ZNF407: variants seen among roughly 807,000 people sequenced by gnomAD.
ZNF407 encodes zinc finger protein 407.
A neutral mutation model predicts 131.2 loss-of-function variants in ZNF407; 17 were observed. The observed-to-expected ratio is 0.13, with a 90% CI of 0.09 to 0.19. ZNF407 has a LOEUF of 0.19. Ranked by LOEUF, ZNF407 falls within the 10% of genes least tolerant of loss-of-function variation. The pLI, the probability that ZNF407 is intolerant of heterozygous loss-of-function variation, is 1.00. For missense variants in ZNF407, 2,681 were observed against 2,830.6 expected (o/e 0.95, Z 1.20); for synonymous variants, 1,156 against 1,062.0 (o/e 1.09, Z -1.72).
chr18:74,818,865 T>TAAAAAA (rs11392274), intron 4 of ZNF407, among the ~76,000 whole-genome samples: 1 of 139,436 alleles, frequency 7.2e-6, no homozygotes. Context: ...CATTGAACAG[T>TAAAAAA]AAAAAAAAAA....
intron 1 of ZNF407, among the ~76,000 whole-genome samples, chr18:74,599,470 T>C (rs938568082): frequency 6.6e-6 from 1 of 152,236 alleles, no homozygotes; most frequent in African/African-American, 2.4e-5. Flanking sequence ...TTGGAAATAG[T>C]AATATACTTC....
At chr18:74,992,296 G>A (rs1031114255) in intron 8 of ZNF407, among the ~76,000 whole-genome samples, 9 of 152,238 alleles carry the variant, frequency 5.9e-5, no homozygotes, top group African/African-American at 1.9e-4. Flanking sequence ...GAGAAAAATA[G>A]TGGGGGTTGG....
intron 1 of ZNF407, among the ~76,000 whole-genome samples, chr18:74,620,863 G>A (rs1275447023): frequency 6.6e-6 from 1 of 152,156 alleles, no homozygotes; most frequent in African/African-American, 2.4e-5. Context: ...GTGGCTCTAC[G>A]TGTGTGTACT....
intron 4 of ZNF407, among the ~76,000 whole-genome samples, chr18:74,794,510 A>T (rs971611064): frequency 6.6e-6 from 1 of 151,948 alleles, no homozygotes; most frequent in Non-Finnish European, 1.5e-5. Context: ...TTCCTTGCAA[A>T]TATCATTGGC....
intron 4 of ZNF407, among the ~76,000 whole-genome samples, chr18:74,808,948 T>A (rs1970153839): frequency 6.6e-6 from 1 of 152,144 alleles, no homozygotes; most frequent in African/African-American, 2.4e-5. Flanking sequence ...AATGTAGAAT[T>A]TTTCACCTCC....
At chr18:74,861,381 G>C (rs1970935234) in intron 4 of ZNF407, among the ~76,000 whole-genome samples, 1 of 152,146 alleles carries the variant, frequency 6.6e-6, no homozygotes, top group African/African-American at 2.4e-5. Context: ...GTAATAATCT[G>C]CTTATTTTCG....
chr18:74,779,232 C>T (rs894032890), intron 3 of ZNF407, among the ~76,000 whole-genome samples: 56 of 149,218 alleles, frequency 3.8e-4, no homozygotes, highest in African/African-American at 1.2e-3. Flanking sequence ...TCTCCTGCCT[C>T]AACCTCCCCA....
intron 3 of ZNF407, among the ~76,000 whole-genome samples, chr18:74,650,843 A>G (rs574406888): frequency 6.6e-6 from 1 of 152,358 alleles, no homozygotes; most frequent in South Asian, 2.1e-4. Context: ...ACTAATGATT[A>G]TACTGTGATA....
At chr18:74,860,678 G>A (rs915708093) in intron 4 of ZNF407, among the ~76,000 whole-genome samples, 1 of 151,940 alleles carries the variant, frequency 6.6e-6, no homozygotes, top group Non-Finnish European at 1.5e-5. Context: ...TGTTAATTCT[G>A]TAATTTTTGT....
rs201177333 is a variant in ZNF407 at position 74,623,160 on chromosome 18, G to A, written c.-53-7807G>A. On this transcript the variant is annotated intron_variant, in intron 1 of 8. Coordinates refer to ENST00000299687, the MANE Select transcript of ZNF407 (RefSeq NM_017757.3). ...TGTCCGTGTGAATGTGTGAGTGCGT[G>A]TGTGTGTACGTGTGAATGTGAATCC... Among the ~76,000 whole-genome samples, 36 of 5,332 alleles carry A rather than the reference G, an allele frequency of 6.8e-3. No individual in the cohort carries two copies. The East Asian group carries it at 0.15, about 22-fold the overall frequency. The allele number at this position is 5,332 out of a possible 152,430, so 3.5% of individuals were successfully genotyped here. A position where few individuals can be genotyped will look rare whatever the true frequency, so the allele number is the denominator to read the frequency against.
intron 3 of ZNF407, among the ~76,000 whole-genome samples, chr18:74,702,062 G>A (rs1219485858): frequency 1.3e-5 from 2 of 152,100 alleles, no homozygotes; most frequent in Admixed American, 6.6e-5. Flanking sequence ...ACATGCCTGC[G>A]AATATTCTAT....
At chr18:74,988,077 T>C (rs953175848) in intron 8 of ZNF407, among the ~76,000 whole-genome samples, 2 of 152,146 alleles carry the variant, frequency 1.3e-5, no homozygotes, top group Admixed American at 6.5e-5. Flanking sequence ...TGAAGACATA[T>C]GGATGCAAGA....
intron 7 of ZNF407, among the ~76,000 whole-genome samples, chr18:74,905,044 T>C (rs6565972): frequency 0.5 from 75,889 of 152,082 alleles, 20,380 homozygotes; most frequent in African/African-American, 0.69. Flanking sequence ...TTTTATGCAG[T>C]ACAGCACAGC....
chr18:75,028,101 A>G (rs1973192582), intron 8 of ZNF407, among the ~76,000 whole-genome samples: 1 of 152,220 alleles, frequency 6.6e-6, no homozygotes, highest in Admixed American at 6.5e-5. Flanking sequence ...TGTTTTCTTT[A>G]TAAAACATGA....
intron 3 of ZNF407, among the ~76,000 whole-genome samples, chr18:74,774,400 C>A (rs1461480491): frequency 1.3e-5 from 2 of 152,148 alleles, no homozygotes; most frequent in Non-Finnish European, 2.9e-5. Flanking sequence ...ATATCACCTA[C>A]AGATTACTTA....
chr18:74,883,204 G>A lies in ZNF407; in HGVS notation c.5128+2085G>A, dbSNP rs1971261889. On this transcript the variant is annotated intron_variant, in intron 6 of 8. Transcript: ENST00000299687. ...TTTTTGGCATTTATCTGCCTCTGTA[G>A]CACAAATCAAACATGATTCTTTAAC... is the stretch of plus-strand genomic sequence containing the variant. Among the ~76,000 whole-genome samples the A allele has an allele frequency of 1.3e-5, 2 of 152,178 alleles. 1 individual carries two copies. The highest frequency in any genetic ancestry group is 4.1e-4 in the South Asian group (2 of 4,834).
chr18:74,734,507 G>A (rs1054432541), intron 3 of ZNF407, among the ~76,000 whole-genome samples: 5 of 152,010 alleles, frequency 3.3e-5, no homozygotes, highest in Admixed American at 2.6e-4. Flanking sequence ...CTCTTCTATA[G>A]GTACATAATC....
intron 7 of ZNF407, among the ~76,000 whole-genome samples, chr18:74,892,902 T>C (rs1030120827): frequency 6.6e-6 from 1 of 152,196 alleles, no homozygotes; most frequent in African/African-American, 2.4e-5. Flanking sequence ...TAAAATGGCA[T>C]TTCTAGAAGC....
intron 8 of ZNF407, among the ~76,000 whole-genome samples, chr18:74,933,142 A>G (rs980821188): frequency 1.3e-5 from 2 of 152,194 alleles, no homozygotes; most frequent in Non-Finnish European, 2.9e-5. Flanking sequence ...AGAAACCCAA[A>G]TGTCCATCAA....
Sources: allele counts gnomAD v4.1 joint callset (sites outside exome capture counted in the v4.1 genomes callset), GRCh38; gene constraint gnomAD v4.1.1; transcripts MANE v1.5; gene names NCBI Gene and HGNC (gene_info 2026-07-23, HGNC 2026-07-21).